Variants in CSNK1G3 observed in about 807,000 individuals in gnomAD.
CSNK1G3 encodes casein kinase 1 gamma 3.
Under a neutral mutation model 64.3 loss-of-function variants are expected in CSNK1G3, and 23 were observed. The observed-to-expected ratio is 0.36, with a 90% CI of 0.26 to 0.51. The LOEUF (loss-of-function observed/expected upper bound fraction) is 0.51. Among genes scored for constraint, CSNK1G3 ranks in the 20% least tolerant of loss-of-function variants. The probability of loss-of-function intolerance (pLI) is 0.96; values close to 1 mark genes in which losing one functional copy is unlikely to be tolerated. For synonymous variants in CSNK1G3, 158 were observed against 162.2 expected (o/e 0.97, Z 0.20); for missense variants, 357 against 510.5 (o/e 0.70, Z 2.90).
At chr5:123,570,789 A>G (rs186506249) in intron 4 of CSNK1G3, among the ~76,000 whole-genome samples, 24 of 152,336 alleles carry the variant, frequency 1.6e-4, no homozygotes, top group Admixed American at 1.6e-3. Context: ...AAGTTATTAG[A>G]GATTGTTAAA....
intron 4 of CSNK1G3, among the ~76,000 whole-genome samples, chr5:123,558,119 T>G (rs1784970795): frequency 6.6e-6 from 1 of 151,948 alleles, no homozygotes; most frequent in African/African-American, 2.4e-5. Context: ...TCGCCTAGAG[T>G]CTCTAGAGGG....
At chr5:123,514,726 G>T (rs1240145951) in intron 1 of CSNK1G3, among the ~76,000 whole-genome samples, 1 of 152,000 alleles carries the variant, frequency 6.6e-6, no homozygotes, top group Non-Finnish European at 1.5e-5. Context: ...GATGGTGGGG[G>T]TAGTTTTCTC....
chr5:123,539,797 C>CT (rs529776720), intron 1 of CSNK1G3, among the ~76,000 whole-genome samples: 3 of 151,792 alleles, frequency 2.0e-5, no homozygotes, highest in African/African-American at 4.8e-5. Context: ...TATGGGAATA[C>CT]TTTTTTTTAA....
At chr5:123,520,963 G>T (rs567775770) in intron 1 of CSNK1G3, among the ~76,000 whole-genome samples, 1 of 152,002 alleles carries the variant, frequency 6.6e-6, no homozygotes, top group Non-Finnish European at 1.5e-5. Context: ...ATACTTTCAA[G>T]TGGCAGGCAA....
rs1365302349 is a variant in CSNK1G3 at position 123,575,974 on chromosome 5, C to G, written c.673+11C>G. ...CACATTTAGGAAAAGGTATGTGTACCTTTCGTAAGTATGGAAGTTTGAACT... is the reference window on the plus strand; with the variant it reads ...CACATTTAGGAAAAGGTATGTGTACGTTTCGTAAGTATGGAAGTTTGAACT... On this transcript the variant is annotated intron_variant, in intron 6 of 12. Coordinates refer to ENST00000345990, the Ensembl canonical transcript of CSNK1G3. 1 of 1,555,612 alleles carries G rather than the reference C, an allele frequency of 6.4e-7. No individual in the cohort carries two copies. The highest frequency in any genetic ancestry group is 8.9e-7 in the Non-Finnish European group (1 of 1,129,346).
At chr5:123,553,077 G>A in intron 2 of CSNK1G3, 30 bp from the exon 3 acceptor site, 2 of 1,227,924 alleles carry the variant, frequency 1.6e-6, no homozygotes, top group South Asian at 1.6e-5. Context: ...TCAATTACTG[G>A]CAGAATCTGA....
At chr5:123,516,086 G>A (rs1192969099) in intron 1 of CSNK1G3, among the ~76,000 whole-genome samples, 1 of 151,872 alleles carries the variant, frequency 6.6e-6, no homozygotes, top group Non-Finnish European at 1.5e-5. Context: ...CTTTTCTCAA[G>A]CGGTTGGCAA....
At chr5:123,587,976 A>G in intron 6 of CSNK1G3, 92 bp from the exon 7 acceptor site, 1 of 792,246 alleles carries the variant, frequency 1.3e-6, no homozygotes, top group Non-Finnish European at 2.0e-6. Context: ...ACTTTTGGAA[A>G]TTAATTTATA....
chr5:123,601,438 C>A (rs941572057), intron 10 of CSNK1G3, among the ~76,000 whole-genome samples: 4 of 152,100 alleles, frequency 2.6e-5, no homozygotes, highest in Admixed American at 2.6e-4. Flanking sequence ...CTAGCCTTTA[C>A]TGAGAGGATT....
intron 10 of CSNK1G3, among the ~76,000 whole-genome samples, chr5:123,597,791 C>A (rs1446380606): frequency 6.6e-6 from 1 of 152,042 alleles, no homozygotes; most frequent in East Asian, 1.9e-4. Flanking sequence ...AACTCTGTGC[C>A]AAGATTATTT....
intron 1 of CSNK1G3, among the ~76,000 whole-genome samples, chr5:123,521,340 C>T (rs1006692425): frequency 1.3e-5 from 2 of 151,894 alleles, no homozygotes; most frequent in African/African-American, 2.4e-5. Flanking sequence ...TTCTGTCATA[C>T]GAGTATCAGG....
exon 13 of CSNK1G3, chr5:123,616,775 G>T (rs1391976455): frequency 1.3e-5 from 2 of 152,280 alleles, no homozygotes; most frequent in Non-Finnish European, 2.9e-5. Context: ...TTTTAAACTT[G>T]CTCTTTCCCA....
At chr5:123,553,009 G>T in intron 2 of CSNK1G3, 98 bp from the exon 3 acceptor site, 1 of 624,388 alleles carries the variant, frequency 1.6e-6, no homozygotes, top group Non-Finnish European at 2.7e-6. Flanking sequence ...CTATGCTTTA[G>T]TTAAATGTAT....
In CSNK1G3 at chr5:123,590,449, AT is replaced by A. The variant is rs1192761448; in HGVS notation, c.888del (p.Phe296LeufsTer9). 24 of 1,513,206 alleles carry A rather than the reference AT, an allele frequency of 1.6e-5. No homozygotes were observed. Among genetic ancestry groups the A allele is most frequent in the Admixed American group, 7.0e-5 (3 of 42,974 alleles). 93.7% of individuals were successfully genotyped at this position (1,513,206 alleles called of 1,614,324 possible). On this transcript the variant is annotated frameshift_variant, in exon 9 of 13. Transcript: ENST00000345990. LOFTEE classifies it high-confidence loss of function. ...TATCTTCGTTATGTAAGAAGGCTAG[AT>A]TTTTTTGAAAAACCAGACTATGACT...
At chr5:123,601,218 A>G (rs1372469567) in intron 10 of CSNK1G3, among the ~76,000 whole-genome samples, 1 of 152,172 alleles carries the variant, frequency 6.6e-6, no homozygotes, top group Non-Finnish European at 1.5e-5. Flanking sequence ...GCCTTCCAGG[A>G]GTATAATGAT....
intron 1 of CSNK1G3, among the ~76,000 whole-genome samples, chr5:123,522,158 C>G (rs764647748): frequency 5.9e-5 from 9 of 152,074 alleles, no homozygotes; most frequent in Admixed American, 2.0e-4. Context: ...AAAGTAGTGG[C>G]TTCTGCTCAT....
chr5:123,534,815 A>G (rs888871109), intron 1 of CSNK1G3, among the ~76,000 whole-genome samples: 1 of 152,088 alleles, frequency 6.6e-6, no homozygotes, highest in Admixed American at 6.6e-5. Context: ...AGACTGCGAG[A>G]TAATGTTTGT....
Position 123,583,338 on chromosome 5 carries a change from C to T in CSNK1G3, c.674-4730C>T, listed in dbSNP as rs112392222. On this transcript the variant is annotated intron_variant, in intron 6 of 12. Transcript: ENST00000345990. Reference sequence around the variant, plus strand: ...TTTTAAAATTCAATTTTCACTTGTTCGTTGTGAGTATAGAAATCCAGTTTT... The same window carrying T: ...TTTTAAAATTCAATTTTCACTTGTTTGTTGTGAGTATAGAAATCCAGTTTT... Among the ~76,000 whole-genome samples, 325 of 93,510 alleles carry T rather than the reference C, an allele frequency of 3.5e-3. 2 individuals carry two copies. Among genetic ancestry groups the T allele is most frequent in the African/African-American group, 0.012 (311 of 25,894 alleles). 61.3% of individuals were successfully genotyped at this position (93,510 alleles called of 152,430 possible).
chr5:123,581,862 A>G (rs79277035), intron 6 of CSNK1G3, among the ~76,000 whole-genome samples: 1,799 of 152,022 alleles, frequency 0.012, 41 homozygotes, highest in African/African-American at 0.04. Flanking sequence ...TGTAGTAGAT[A>G]ATTTTTATCT....
Sources: gnomAD v4.1 joint callset for allele counts (sites outside exome capture counted in the v4.1 genomes callset) on GRCh38, gnomAD v4.1.1 for gene constraint, MANE v1.5 for transcripts, NCBI Gene and HGNC (gene_info 2026-07-23, HGNC 2026-07-21) for gene names.